The following PDE4D variants were observed in gnomAD, a reference collection of about 807,000 sequenced individuals.
PDE4D encodes the protein phosphodiesterase 4D.
A neutral mutation model predicts 87.4 loss-of-function variants in PDE4D; 24 were observed. The ratio of observed to expected loss-of-function variants is 0.27; its 90% CI spans 0.20 to 0.39. PDE4D has a LOEUF of 0.39. Ranked by LOEUF, PDE4D falls within the 10% of genes least tolerant of loss-of-function variation. PDE4D has a pLI of 1.00. For missense variants in PDE4D, 714 were observed against 1,041.0 expected (o/e 0.69, Z 4.32); for synonymous variants, 384 against 383.2 (o/e 1.00, Z -0.02).
intron 1 of PDE4D, among the ~76,000 whole-genome samples, chr5:59,255,681 G>A (rs1018667161): frequency 1.3e-5 from 2 of 151,998 alleles, no homozygotes; most frequent in African/African-American, 4.8e-5. Context: ...ACAAACTGCA[G>A]AACAATGAAT....
At chr5:59,602,451 T>C (rs1827643328) in intron 1 of PDE4D, among the ~76,000 whole-genome samples, 1 of 152,064 alleles carries the variant, frequency 6.6e-6, no homozygotes, top group Non-Finnish European at 1.5e-5. Flanking sequence ...AGTGTTGATA[T>C]ACACTAGCAG....
chr5:59,972,613 C>G (rs1760905622), intron 3 of PDE4D, among the ~76,000 whole-genome samples: 1 of 152,152 alleles, frequency 6.6e-6, no homozygotes. Context: ...GCAAAAATAA[C>G]TTAGGTACTT....
At chr5:60,252,113 A>G (rs547953955) in intron 1 of PDE4D, among the ~76,000 whole-genome samples, 6 of 152,046 alleles carry the variant, frequency 3.9e-5, no homozygotes, top group African/African-American at 1.4e-4. Context: ...ATACTAAGCT[A>G]TACCACCCAG....
chr5:59,996,704 G>T (rs1422499402), intron 2 of PDE4D, among the ~76,000 whole-genome samples: 1 of 152,102 alleles, frequency 6.6e-6, no homozygotes, highest in Admixed American at 6.6e-5. Flanking sequence ...AAACAAACAA[G>T]TCAAGGCAAT....
intron 1 of PDE4D, among the ~76,000 whole-genome samples, chr5:60,458,787 A>G (rs577173461): frequency 8.1e-4 from 123 of 152,286 alleles, no homozygotes; most frequent in African/African-American, 2.9e-3. Context: ...GCTGCAATCC[A>G]TAAGTGCACC....
intron 1 of PDE4D, among the ~76,000 whole-genome samples, chr5:59,695,645 A>G (rs1751665293): frequency 6.6e-6 from 1 of 152,180 alleles, no homozygotes; most frequent in Admixed American, 6.6e-5. Flanking sequence ...TGTGTCGTCC[A>G]GGCTGAAGTG....
chr5:59,186,629 T>C (rs1306570547), intron 3 of PDE4D, among the ~76,000 whole-genome samples: 1 of 152,194 alleles, frequency 6.6e-6, no homozygotes, highest in Non-Finnish European at 1.5e-5. Flanking sequence ...GTTGTTGCTG[T>C]TTATGAAATT....
At chr5:59,160,286 C>T (rs1394596512) in intron 5 of PDE4D, among the ~76,000 whole-genome samples, 1 of 152,164 alleles carries the variant, frequency 6.6e-6, no homozygotes, top group African/African-American at 2.4e-5. Context: ...TTTACACCTA[C>T]TCAGTAAAAT....
chr5:59,873,960 C>T (rs1001333546), intron 1 of PDE4D, among the ~76,000 whole-genome samples: 3 of 152,162 alleles, frequency 2.0e-5, no homozygotes, highest in African/African-American at 7.2e-5. Flanking sequence ...CCTGTAATCT[C>T]AGCACTGTGA....
chr5:59,276,063 C>T (rs1764730933), intron 1 of PDE4D: 13 of 980,462 alleles, frequency 1.3e-5, no homozygotes, highest in Non-Finnish European at 1.6e-5. Flanking sequence ...AACTATTCCT[C>T]AAGGGCTGTA....
At chr5:59,340,993 C>T (rs770440579) in intron 1 of PDE4D, among the ~76,000 whole-genome samples, 6 of 152,148 alleles carry the variant, frequency 3.9e-5, no homozygotes, top group Non-Finnish European at 7.3e-5. Flanking sequence ...TAACCCTATA[C>T]ACAGTATTAG....
intron 1 of PDE4D, chr5:59,276,138 A>AG: frequency 4.1e-6 from 4 of 983,640 alleles, no homozygotes; most frequent in Non-Finnish European, 4.8e-6. Flanking sequence ...AAAAAAAAAA[A>AG]AAAAAGAAAA....
At chr5:60,170,296 G>A (rs1327031611) in intron 2 of PDE4D, among the ~76,000 whole-genome samples, 1 of 151,860 alleles carries the variant, frequency 6.6e-6, no homozygotes, top group East Asian at 1.9e-4. Flanking sequence ...GTCAAATAAG[G>A]CTCAGCTTGG....
At chr5:59,357,832 GTTAACAATGCAGCATAATTTCATC>G (rs1781625507) in intron 1 of PDE4D, among the ~76,000 whole-genome samples, 1 of 152,166 alleles carries the variant, frequency 6.6e-6, no homozygotes, top group African/African-American at 2.4e-5. Flanking sequence ...GGTATTCAAT[GTTAACAATGCAGCATAATTTCATC>G]AGTCTGTATC....
chr5:59,161,235 G>T (rs927343251), intron 5 of PDE4D, among the ~76,000 whole-genome samples: 4 of 152,172 alleles, frequency 2.6e-5, no homozygotes, highest in Non-Finnish European at 5.9e-5. Context: ...AGGTGGTCCT[G>T]AAGACATGTG....
intron 3 of PDE4D, among the ~76,000 whole-genome samples, chr5:59,912,970 C>A (rs1470685129): frequency 6.6e-6 from 1 of 152,132 alleles, no homozygotes; most frequent in Non-Finnish European, 1.5e-5. Context: ...AAGTGTTCTT[C>A]AAGCTGAGAA....
chr5:59,919,227 A>G (rs1754406776), intron 3 of PDE4D, among the ~76,000 whole-genome samples: 1 of 152,208 alleles, frequency 6.6e-6, no homozygotes. Flanking sequence ...ATATCCATGA[A>G]ATAGCTAATT....
At chr5:60,329,702 T>C (rs561425598) in intron 1 of PDE4D, among the ~76,000 whole-genome samples, 52 of 152,188 alleles carry the variant, frequency 3.4e-4, no homozygotes, top group African/African-American at 1.2e-3. Context: ...GATAGGAAGC[T>C]TCTGAAAAAG....
intron 3 of PDE4D, among the ~76,000 whole-genome samples, chr5:59,915,727 C>G (rs2152774102): frequency 6.6e-6 from 1 of 152,248 alleles, no homozygotes; most frequent in African/African-American, 2.4e-5. Flanking sequence ...TTTTCCCTCT[C>G]ATATTCGTGT....
Sources: allele counts gnomAD v4.1 joint callset (sites outside exome capture counted in the v4.1 genomes callset), GRCh38; gene constraint gnomAD v4.1.1; transcripts MANE v1.5; gene names NCBI Gene and HGNC (gene_info 2026-07-23, HGNC 2026-07-21).